The following PGM3 variants were observed in gnomAD, a reference collection of about 807,000 sequenced individuals.
The protein encoded by PGM3 is phosphoglucomutase 3.
In PGM3, 40 loss-of-function variants were observed where a neutral mutation model predicts 66.2. The ratio of observed to expected loss-of-function variants is 0.60; its 90% CI spans 0.47 to 0.79. The LOEUF is 0.79. PGM3 is among the 30% of genes least tolerant of loss of function. The probability of loss-of-function intolerance (pLI) is 0.00; values close to 1 mark genes in which losing one functional copy is unlikely to be tolerated. For synonymous variants in PGM3, 191 were observed against 224.2 expected (o/e 0.85, Z 1.32); for missense variants, 537 against 643.4 (o/e 0.83, Z 1.79).
downstream of PGM3, chr6:83,164,749 T>C (rs1562392601): frequency 1.3e-6 from 2 of 1,561,614 alleles, no homozygotes; most frequent in Admixed American, 1.9e-5. Context: ...GCTTATGATA[T>C]GGCAGCAAAA....
chr6:83,173,258 G>A (rs186257552), intron 10 of PGM3, among the ~76,000 whole-genome samples: 33 of 152,274 alleles, frequency 2.2e-4, no homozygotes, highest in Admixed American at 1.9e-3. Flanking sequence ...TACGAACAAT[G>A]AGGTGAAGAT....
At chr6:83,180,624 T>G (rs1299683989) in intron 6 of PGM3, among the ~76,000 whole-genome samples, 1 of 152,184 alleles carries the variant, frequency 6.6e-6, no homozygotes, top group Non-Finnish European at 1.5e-5. Flanking sequence ...AAGGACATGA[T>G]GCAAGCTTCA....
At chr6:83,174,639 G>C in intron 9 of PGM3, 152 bp from the exon 10 acceptor site, 3 of 530,980 alleles carry the variant, frequency 5.6e-6, no homozygotes, top group Non-Finnish European at 9.8e-6. Context: ...TGAAATTAAT[G>C]TAAGATCACA....
rs1786024404 is a variant in PGM3 at position 83,167,438 on chromosome 6, G to A, written c.*1796C>T. 1.0e-6 allele frequency: 1 copy of A among 981,362 alleles called. No homozygotes were observed. Among genetic ancestry groups the A allele is most frequent in the African/African-American group, 1.8e-5 (1 of 57,134 alleles). 60.8% of individuals were successfully genotyped at this position (981,362 alleles called of 1,614,324 possible). Reference sequence around the variant, plus strand: ...AGGGAATTAACTAATTATAATAAAAGGGGATATATTATGAAATGTATAAAG... The same window carrying A: ...AGGGAATTAACTAATTATAATAAAAAGGGATATATTATGAAATGTATAAAG... On this transcript the variant is annotated 3_prime_UTR_variant, in exon 13 of 13. Transcript: ENST00000513973.
Position 83,179,381 on chromosome 6 carries a change from A to G in PGM3, c.945+429T>C, listed in dbSNP as rs531197071. On this transcript the variant is annotated intron_variant, in intron 7 of 12. Coordinates refer to ENST00000513973, the MANE Select transcript of PGM3 (RefSeq NM_015599.3). ...TTCCAGATTATAATAATTTCCAATT[A>G]CATTGTGTACTTAAAGCTAGCCTGA... 6.6e-5 allele frequency among the ~76,000 whole-genome samples: 10 copies of G among 152,280 alleles called. 1 individual carries two copies. Among genetic ancestry groups the G allele is most frequent in the Admixed American group, 5.2e-4 (8 of 15,296 alleles).
downstream of PGM3, among the ~76,000 whole-genome samples, chr6:83,162,228 ATTT>A (rs1784401864): frequency 6.6e-6 from 1 of 151,988 alleles, no homozygotes; most frequent in African/African-American, 2.4e-5. Context: ...TACTGTTTGA[ATTT>A]TTCCCATGGT....
intron 1 of PGM3, among the ~76,000 whole-genome samples, chr6:83,191,958 CAA>C (rs1219337174): frequency 0.012 from 491 of 39,314 alleles, no homozygotes; most frequent in Non-Finnish European, 0.017. Context: ...GACTCGGTCT[CAA>C]AAAAAAAAAA....
chr6:83,165,355 C>T lies in PGM3; in HGVS notation c.*3879G>A, dbSNP rs1373438362. On this transcript the variant is annotated 3_prime_UTR_variant, in exon 13 of 13. Transcript: ENST00000513973. ...GTTAAGTTTTTTGGTTTGTTTTTGA[C>T]CAGAGATGATGAAGTAGGTGATCTT... The T allele has an allele frequency of 6.6e-6, 1 of 152,256 alleles. No individual in the cohort carries two copies. The highest frequency in any genetic ancestry group is 2.4e-5 in the African/African-American group (1 of 41,370). The allele number at this position is 152,256 out of a possible 1,614,324, so 9.4% of individuals were successfully genotyped here. A position where few individuals can be genotyped will look rare whatever the true frequency, so the allele number is the denominator to read the frequency against.
At chr6:83,158,064 T>G (rs1310703806), downstream of PGM3, among the ~76,000 whole-genome samples, 1 of 152,056 alleles carries the variant, frequency 6.6e-6, no homozygotes, top group Non-Finnish European at 1.5e-5. Flanking sequence ...AGTGGCGAGA[T>G]CTCAGCTCAC....
Position 83,171,895 on chromosome 6 carries a change from T to G in PGM3, c.1365+42A>C, listed in dbSNP as rs753389038. 3.0e-5 allele frequency: 45 copies of G among 1,478,974 alleles called. 1 individual carries two copies. The South Asian group carries it at 5.2e-4, about 17-fold the overall frequency. The allele number at this position is 1,478,974 out of a possible 1,614,324, so 91.6% of individuals were successfully genotyped here. A position where few individuals can be genotyped will look rare whatever the true frequency, so the allele number is the denominator to read the frequency against. Reference sequence around the variant, plus strand: ...GAGAATTGGGATAATAGGTTTTACTTAGCTAATATTCAAAAAAGTTACTTT... The same window carrying G: ...GAGAATTGGGATAATAGGTTTTACTGAGCTAATATTCAAAAAAGTTACTTT... On this transcript the variant is annotated intron_variant, in intron 11 of 12. Transcript: ENST00000513973.
At chr6:83,173,829 C>T (rs1489843556) in intron 10 of PGM3, among the ~76,000 whole-genome samples, 9 of 152,100 alleles carry the variant, frequency 5.9e-5, no homozygotes, top group African/African-American at 1.4e-4. Context: ...CTCTGCCTCC[C>T]GGGTTCACAC....
chr6:83,188,237 A>G (rs1013002913), intron 3 of PGM3, among the ~76,000 whole-genome samples: 8 of 152,372 alleles, frequency 5.3e-5, no homozygotes, highest in Non-Finnish European at 1.0e-4. Context: ...TGAAACAATA[A>G]TAACACAGAT....
chr6:83,165,076 G>C lies in PGM3; in HGVS notation c.*4158C>G. On this transcript the variant is annotated 3_prime_UTR_variant, in exon 13 of 13. Coordinates refer to ENST00000513973, the MANE Select transcript of PGM3 (RefSeq NM_015599.3). ...CATTTGGAAGTTAGCTATATAGAGGGTACAAGGATATTCATTTTCCTTCAG... is the reference window on the plus strand; with the variant it reads ...CATTTGGAAGTTAGCTATATAGAGGCTACAAGGATATTCATTTTCCTTCAG... 1 of 179,162 alleles carries C rather than the reference G, an allele frequency of 5.6e-6. No homozygotes were observed. The highest frequency in any genetic ancestry group is 1.2e-5 in the Non-Finnish European group (1 of 85,300). 11.1% of individuals were successfully genotyped at this position (179,162 alleles called of 1,614,324 possible).
chr6:83,191,345 T>C, intron 1 of PGM3: 5 of 897,980 alleles, frequency 5.6e-6, no homozygotes, highest in South Asian at 4.4e-5. Context: ...ATTTTACACC[T>C]ATTCAGAGAC....
chr6:83,193,895 GA>G, upstream of PGM3: 1 of 152,538 alleles, frequency 6.6e-6, no homozygotes, highest in Non-Finnish European at 1.4e-5. Context: ...CGGCCCAAGC[GA>G]AAAGGCCACC....
chr6:83,152,380 CT>C, the PGM3 span: 4 of 1,324,978 alleles, frequency 3.0e-6, no homozygotes, highest in Non-Finnish European at 1.0e-6. Flanking sequence ...AAATATTAAG[CT>C]TTTTCACATG....
chr6:83,180,098 G>T lies in PGM3; in HGVS notation c.788-131C>A, dbSNP rs1000872094. 5.3e-5 allele frequency: 32 copies of T among 598,794 alleles called. No homozygotes were observed. The East Asian group carries it at 1.0e-3, about 19-fold the overall frequency. The allele number at this position is 598,794 out of a possible 1,614,324, so 37.1% of individuals were successfully genotyped here. A position where few individuals can be genotyped will look rare whatever the true frequency, so the allele number is the denominator to read the frequency against. ...TTAAATAGTGTATAATCTTTAAATA[G>T]TACATAGTTTATTAGTGGTTTTTAC... On this transcript the variant is annotated intron_variant, in intron 6 of 12. Transcript: ENST00000513973.
Position 83,190,940 on chromosome 6 carries a change from TC to T in PGM3, c.72del (p.Thr25LeufsTer21). Reference sequence around the variant, plus strand: ...TCTGCCTTCGTTCGAAATCCAGCAGTCCCGTATTGAAGGATCAGTCCATTGG... The same window carrying T: ...TCTGCCTTCGTTCGAAATCCAGCAGTCCGTATTGAAGGATCAGTCCATTGG... ...AKPNGLILQY[G>X]TAGFRTKAEH... On this transcript the variant is annotated frameshift_variant, in exon 2 of 13. Coordinates refer to ENST00000513973, the MANE Select transcript of PGM3 (RefSeq NM_015599.3). LOFTEE classifies it high-confidence loss of function. The T allele has an allele frequency of 6.2e-7, 1 of 1,614,140 alleles. No homozygotes were observed. The highest frequency in any genetic ancestry group is 8.5e-7 in the Non-Finnish European group (1 of 1,179,988).
chr6:83,154,193 A>G, the PGM3 span: 1 of 1,613,950 alleles, frequency 6.2e-7, no homozygotes, highest in Non-Finnish European at 8.5e-7. Flanking sequence ...GAGAGCAATT[A>G]TGGACAATCT....
Sources: gnomAD v4.1 joint callset for allele counts (sites outside exome capture counted in the v4.1 genomes callset) on GRCh38, gnomAD v4.1.1 for gene constraint, MANE v1.5 for transcripts, NCBI Gene and HGNC (gene_info 2026-07-23, HGNC 2026-07-21) for gene names.